The following PALLD variants were observed in gnomAD, a reference collection of about 807,000 sequenced individuals.
The protein encoded by PALLD is palladin.
PALLD carries 61 observed loss-of-function variants against 123.5 expected under a neutral mutation model. That is an observed-to-expected ratio of 0.49 (90% CI 0.40 to 0.61). The LOEUF is 0.61. Ranked by LOEUF, PALLD falls within the 20% of genes least tolerant of loss-of-function variation. The pLI is 0.00. For missense variants in PALLD, 1,273 were observed against 1,377.0 expected (o/e 0.92, Z 1.20); for synonymous variants, 465 against 496.4 (o/e 0.94, Z 0.84).
intron 10 of PALLD, among the ~76,000 whole-genome samples, chr4:168,786,311 A>G (rs946907642): frequency 6.6e-6 from 1 of 152,120 alleles, no homozygotes; most frequent in Non-Finnish European, 1.5e-5. Context: ...CTGGCAACAG[A>G]GTGAGACTCC....
intron 10 of PALLD, among the ~76,000 whole-genome samples, chr4:168,882,520 G>A (rs113576248): frequency 2.0e-5 from 3 of 152,314 alleles, no homozygotes; most frequent in Admixed American, 6.5e-5. Flanking sequence ...ATAGTAACCA[G>A]TGAAAAAGAA....
intron 10 of PALLD, among the ~76,000 whole-genome samples, chr4:168,767,829 G>A (rs1733890624): frequency 6.6e-6 from 1 of 152,144 alleles, no homozygotes; most frequent in African/African-American, 2.4e-5. Context: ...TTACAGGCAT[G>A]AGCCACCGTG....
chr4:168,838,917 T>A, intron 10 of PALLD, among the ~76,000 whole-genome samples: 1 of 152,288 alleles, frequency 6.6e-6, no homozygotes. Flanking sequence ...ATTGAGTTAA[T>A]CTCATTCCCA....
chr4:168,779,466 T>C (rs1392544925), intron 10 of PALLD, among the ~76,000 whole-genome samples: 1 of 151,540 alleles, frequency 6.6e-6, no homozygotes, highest in African/African-American at 2.4e-5. Flanking sequence ...CTTAGACATA[T>C]AAACTTCATG....
chr4:168,708,745 C>T (rs973050465), intron 8 of PALLD, among the ~76,000 whole-genome samples: 2 of 152,106 alleles, frequency 1.3e-5, no homozygotes, highest in African/African-American at 4.8e-5. Context: ...GTTTTATCTT[C>T]ACAGATAACC....
chr4:168,587,245 G>A (rs1011145163), intron 2 of PALLD, among the ~76,000 whole-genome samples: 18 of 152,194 alleles, frequency 1.2e-4, no homozygotes, highest in African/African-American at 4.3e-4. Context: ...TAGGGATTTG[G>A]AAAATTCTGG....
chr4:168,698,911 T>G (rs2150151440), intron 8 of PALLD, among the ~76,000 whole-genome samples: 2 of 152,220 alleles, frequency 1.3e-5, no homozygotes, highest in Admixed American at 1.3e-4. Context: ...AAAATTAAAT[T>G]GGGGAGAGCC....
intron 10 of PALLD, among the ~76,000 whole-genome samples, chr4:168,750,003 G>T (rs1452174966): frequency 6.6e-6 from 1 of 151,518 alleles, no homozygotes; most frequent in African/African-American, 2.4e-5. Flanking sequence ...CTGGAGTGCA[G>T]TGGCAATATC....
chr4:168,843,717 T>C (rs1360049798), intron 10 of PALLD, among the ~76,000 whole-genome samples: 1 of 152,092 alleles, frequency 6.6e-6, no homozygotes, highest in Non-Finnish European at 1.5e-5. Context: ...ACTAATTGAA[T>C]GCAAAGTATT....
chr4:168,634,800 T>G (rs976511337), intron 2 of PALLD, among the ~76,000 whole-genome samples: 2 of 152,184 alleles, frequency 1.3e-5, no homozygotes, highest in African/African-American at 4.8e-5. Context: ...ACCACATGGC[T>G]CCAACTTGAA....
In PALLD at chr4:168,926,408, A is replaced by C; in HGVS notation, c.*228A>C. ...TAATCCAGCATTCTTGTTAAAGCTG[A>C]AACACTGAAACAGCCATTGCCTTGA... is the stretch of plus-strand genomic sequence containing the variant. On this transcript the variant is annotated 3_prime_UTR_variant, in exon 22 of 22. Transcript: ENST00000505667. 1 of 1,508,806 alleles carries C rather than the reference A, an allele frequency of 6.6e-7. No individual in the cohort carries two copies. Among genetic ancestry groups the C allele is most frequent in the Non-Finnish European group, 8.9e-7 (1 of 1,120,922 alleles). The allele number at this position is 1,508,806 out of a possible 1,614,324, so 93.5% of individuals were successfully genotyped here.
At chr4:168,541,348 G>A (rs1376026881) in intron 2 of PALLD, among the ~76,000 whole-genome samples, 3 of 152,112 alleles carry the variant, frequency 2.0e-5, no homozygotes, top group Non-Finnish European at 4.4e-5. Context: ...CTATAAAAAC[G>A]TCCTCTCTTA....
chr4:168,636,972 G>A (rs1776406337), intron 2 of PALLD, among the ~76,000 whole-genome samples: 1 of 152,160 alleles, frequency 6.6e-6, no homozygotes, highest in Non-Finnish European at 1.5e-5. Flanking sequence ...TGCTTTGCTG[G>A]TTAGAAAGGA....
At chr4:168,834,681 G>A (rs545258329) in intron 10 of PALLD, among the ~76,000 whole-genome samples, 1 of 152,186 alleles carries the variant, frequency 6.6e-6, no homozygotes, top group East Asian at 1.9e-4. Context: ...AAGTTGCAGT[G>A]AGCCAAGATT....
chr4:168,856,241 A>T (rs2151004727), intron 10 of PALLD, among the ~76,000 whole-genome samples: 1 of 152,272 alleles, frequency 6.6e-6, no homozygotes, highest in Non-Finnish European at 1.5e-5. Context: ...TATCCAATCC[A>T]CCATTGATGG....
intron 10 of PALLD, among the ~76,000 whole-genome samples, chr4:168,801,587 T>C (rs1016369371): frequency 3.9e-5 from 6 of 152,312 alleles, no homozygotes; most frequent in Admixed American, 1.3e-4. Context: ...CTGTAAATAT[T>C]TTTTTAAAAG....
At chr4:168,761,249 C>T (rs1002567833) in intron 10 of PALLD, among the ~76,000 whole-genome samples, 1 of 152,192 alleles carries the variant, frequency 6.6e-6, no homozygotes, top group Admixed American at 6.5e-5. Context: ...TTTTCCAAAG[C>T]CTCTGTCTTT....
intron 10 of PALLD, among the ~76,000 whole-genome samples, chr4:168,776,415 AT>A (rs1397253235): frequency 1.3e-5 from 2 of 152,206 alleles, no homozygotes; most frequent in Non-Finnish European, 2.9e-5. Flanking sequence ...TATAGATTCC[AT>A]TGGATTTCTA....
chr4:168,632,877 C>A (rs920564506), intron 2 of PALLD, among the ~76,000 whole-genome samples: 3 of 152,152 alleles, frequency 2.0e-5, no homozygotes, highest in African/African-American at 7.2e-5. Flanking sequence ...ACCTGAACAC[C>A]CCCAGAATGC....
Sources: allele counts gnomAD v4.1 joint callset (sites outside exome capture counted in the v4.1 genomes callset), GRCh38; gene constraint gnomAD v4.1.1; transcripts MANE v1.5; gene names NCBI Gene and HGNC (gene_info 2026-07-23, HGNC 2026-07-21).